Variants in TMC2 observed in about 807,000 individuals in gnomAD.
The protein encoded by TMC2 is transmembrane channel-like protein 2.
In TMC2, 102 loss-of-function variants were observed where a neutral mutation model predicts 105.9. The ratio of observed to expected loss-of-function variants is 0.96; its 90% CI spans 0.82 to 1.14. TMC2 has a LOEUF of 1.14. Among genes scored for constraint, TMC2 ranks in the 50% most tolerant of loss-of-function variants. TMC2 has a pLI of 0.00. For synonymous variants in TMC2, 402 were observed against 422.8 expected (o/e 0.95, Z 0.60); for missense variants, 1,093 against 1,134.3 (o/e 0.96, Z 0.52).
chr20:2,599,645 T>C (rs1568519655), intron 10 of TMC2, among the ~76,000 whole-genome samples: 1 of 150,684 alleles, frequency 6.6e-6, no homozygotes, highest in Non-Finnish European at 1.5e-5. Flanking sequence ...TCTCACTATG[T>C]TGCCCAGGCT....
intron 7 of TMC2, among the ~76,000 whole-genome samples, chr20:2,588,150 A>G (rs2086243635): frequency 6.6e-6 from 1 of 152,120 alleles, no homozygotes; most frequent in Non-Finnish European, 1.5e-5. Flanking sequence ...AGTCACAGAT[A>G]TTCAAAACAT....
chr20:2,582,978 C>T (rs1482724109), intron 7 of TMC2, among the ~76,000 whole-genome samples: 1 of 152,142 alleles, frequency 6.6e-6, no homozygotes, highest in Non-Finnish European at 1.5e-5. Flanking sequence ...CTGGCAAGGC[C>T]CCACTGGATG....
intron 4 of TMC2, among the ~76,000 whole-genome samples, chr20:2,567,702 G>A (rs556602581): frequency 1.3e-5 from 2 of 152,132 alleles, no homozygotes; most frequent in South Asian, 2.1e-4. Context: ...CCCGACAAAG[G>A]TTTTAAAGCA....
chr20:2,607,431 G>A (rs891081333), intron 11 of TMC2, among the ~76,000 whole-genome samples: 2 of 152,108 alleles, frequency 1.3e-5, no homozygotes, highest in African/African-American at 2.4e-5. Context: ...GAGCTTAACT[G>A]ACAAATTTCA....
chr20:2,536,804 C>G, intron 1 of TMC2, 149 bp downstream of exon 1: 2 of 784,734 alleles, frequency 2.5e-6, no homozygotes, highest in East Asian at 2.7e-5. Context: ...GCGACCTCGG[C>G]TGGTTATTCA....
At chr20:2,546,964 T>G (rs986297512) in intron 2 of TMC2, among the ~76,000 whole-genome samples, 1 of 152,204 alleles carries the variant, frequency 6.6e-6, no homozygotes, top group Non-Finnish European at 1.5e-5. Context: ...TTTTAATAGA[T>G]AATGTACACT....
chr20:2,559,236 T>C (rs2086008226), intron 3 of TMC2, among the ~76,000 whole-genome samples: 1 of 152,222 alleles, frequency 6.6e-6, no homozygotes, highest in South Asian at 2.1e-4. Context: ...CTTCCGGATC[T>C]GGGCCAGTTT....
chr20:2,543,056 G>A (rs1295240433), intron 2 of TMC2, among the ~76,000 whole-genome samples: 2 of 151,864 alleles, frequency 1.3e-5, no homozygotes, highest in Non-Finnish European at 2.9e-5. Context: ...GGCCAACATG[G>A]TGAAACCCTG....
intron 10 of TMC2, among the ~76,000 whole-genome samples, chr20:2,601,393 G>A (rs781358538): frequency 4.6e-5 from 7 of 152,164 alleles, no homozygotes; most frequent in African/African-American, 7.2e-5. Flanking sequence ...GCCAACCCTC[G>A]ATTAGAAGAC....
intron 5 of TMC2, among the ~76,000 whole-genome samples, chr20:2,573,630 G>A (rs958277125): frequency 1.4e-5 from 2 of 143,668 alleles, no homozygotes; most frequent in Admixed American, 7.3e-5. Flanking sequence ...GCGCGACCTC[G>A]GCTCACTGCG....
In TMC2 at chr20:2,543,903, G is replaced by GATTTTT. The variant is rs3051735; in HGVS notation, c.82+6587_82+6588insATTTTT. On this transcript the variant is annotated intron_variant, in intron 2 of 19. Coordinates refer to ENST00000358864, the MANE Select transcript of TMC2 (RefSeq NM_080751.3). ...GGCAGCTGTTTCAACCTGCATGTCA[G>GATTTTT]TTTTTTTTTTTTTTTTTGAGACAGA... Among the ~76,000 whole-genome samples the GATTTTT allele has an allele frequency of 4.9e-5, 7 of 144,184 alleles. 1 individual carries two copies. Among genetic ancestry groups the GATTTTT allele is most frequent in the Admixed American group, 6.9e-5 (1 of 14,412 alleles). The allele number at this position is 144,184 out of a possible 152,430, so 94.6% of individuals were successfully genotyped here. A position where few individuals can be genotyped will look rare whatever the true frequency, so the allele number is the denominator to read the frequency against.
At chr20:2,575,368 C>CAAA (rs2086136399) in intron 5 of TMC2, among the ~76,000 whole-genome samples, 2 of 152,168 alleles carry the variant, frequency 1.3e-5, no homozygotes, top group Non-Finnish European at 2.9e-5. Context: ...AAACTATTTT[C>CAAA]CCCAATCTAT....
rs138384994 is a variant in TMC2, at chr20:2,622,794, G to A, written c.2181-1477G>A. The stretch of plus-strand genomic sequence containing the variant: ...CTCATCTATACTTTACACAGAAAAT[G>A]TTTAGCTGCAAAATTTTGAAGGGCG... On this transcript the variant is annotated intron_variant, in intron 16 of 19. Coordinates refer to ENST00000358864, the MANE Select transcript of TMC2 (RefSeq NM_080751.3). Among the ~76,000 whole-genome samples the A allele has an allele frequency of 4.3e-3, 655 of 152,262 alleles. 6 individuals carry two copies. Among genetic ancestry groups the A allele is most frequent in the African/African-American group, 0.015 (616 of 41,554 alleles).
intron 16 of TMC2, among the ~76,000 whole-genome samples, chr20:2,619,595 G>T (rs534808308): frequency 4.8e-4 from 73 of 152,296 alleles, no homozygotes; most frequent in African/African-American, 1.5e-3. Flanking sequence ...GATGGTTGGA[G>T]CCCAGGGATG....
At chr20:2,565,424 TTAG>T (rs1209396879) in intron 4 of TMC2, among the ~76,000 whole-genome samples, 1 of 152,208 alleles carries the variant, frequency 6.6e-6, no homozygotes, top group Non-Finnish European at 1.5e-5. Flanking sequence ...AGTTGTTGTT[TTAG>T]AGACAAGGTC....
intron 7 of TMC2, among the ~76,000 whole-genome samples, chr20:2,580,468 T>A (rs2086181414): frequency 6.6e-6 from 1 of 152,120 alleles, no homozygotes; most frequent in Non-Finnish European, 1.5e-5. Flanking sequence ...TTTCAATGAG[T>A]TTTTTTCTTT....
intron 8 of TMC2, among the ~76,000 whole-genome samples, chr20:2,593,093 C>T (rs2146211339): frequency 6.6e-6 from 1 of 152,248 alleles, no homozygotes; most frequent in East Asian, 1.9e-4. Context: ...GCTGGGGAGG[C>T]CTCAAGAAAC....
At chr20:2,544,660 CT>C (rs776632632) in intron 2 of TMC2, among the ~76,000 whole-genome samples, 3 of 152,184 alleles carry the variant, frequency 2.0e-5, no homozygotes, top group Non-Finnish European at 4.4e-5. Flanking sequence ...TCTCATAAAC[CT>C]CTTGACAAGG....
At chr20:2,622,454 G>T (rs1296208196) in intron 16 of TMC2, among the ~76,000 whole-genome samples, 2 of 152,168 alleles carry the variant, frequency 1.3e-5, no homozygotes, top group Non-Finnish European at 2.9e-5. Flanking sequence ...GATCACCTGA[G>T]GTCAGGAGTT....
Sources: gnomAD v4.1 joint callset for allele counts (sites outside exome capture counted in the v4.1 genomes callset) on GRCh38, gnomAD v4.1.1 for gene constraint, MANE v1.5 for transcripts, NCBI Gene and HGNC (gene_info 2026-07-23, HGNC 2026-07-21) for gene names.